TOPBP1: variants seen among roughly 807,000 people sequenced by gnomAD.
TOPBP1 encodes the protein DNA topoisomerase 2-binding protein 1.
A neutral mutation model predicts 167.7 loss-of-function variants in TOPBP1; 28 were observed. The observed-to-expected ratio is 0.17, with a 90% CI of 0.12 to 0.23. TOPBP1 has a LOEUF of 0.23. Among genes scored for constraint, TOPBP1 ranks in the 10% least tolerant of loss-of-function variants. TOPBP1 has a pLI of 1.00. For missense variants in TOPBP1, 1,554 were observed against 1,809.6 expected, an observed-to-expected ratio of 0.86 and a Z score of 2.56; for synonymous variants, 598 against 611.4, an observed-to-expected ratio of 0.98 and a Z score of 0.32.
chr3:133,653,923 C>T (rs180800826), intron 6 of TOPBP1, among the ~76,000 whole-genome samples: 57 of 152,218 alleles, frequency 3.7e-4, no homozygotes, highest in African/African-American at 1.3e-3. Flanking sequence ...TGAGCAACCG[C>T]GCCCGGCTAT....
chr3:133,618,786 A>C (rs1934983251), intron 20 of TOPBP1, among the ~76,000 whole-genome samples: 1 of 152,208 alleles, frequency 6.6e-6, no homozygotes. Context: ...CAGGTTAGGG[A>C]AACAGGGTAA....
chr3:133,653,185 GCTAA>G (rs1208875224), intron 7 of TOPBP1, among the ~76,000 whole-genome samples, 156 bp downstream of exon 7: 10 of 152,146 alleles, frequency 6.6e-5, no homozygotes, highest in African/African-American at 2.4e-4. Context: ...ACAGTTCAGT[GCTAA>G]CTTTTTATAC....
intron 14 of TOPBP1, among the ~76,000 whole-genome samples, chr3:133,633,283 AT>A (rs1333785694): frequency 6.6e-6 from 1 of 152,190 alleles, no homozygotes; most frequent in African/African-American, 2.4e-5. Flanking sequence ...TGATGACGCC[AT>A]TGACCTTCAT....
intron 27 of TOPBP1, among the ~76,000 whole-genome samples, chr3:133,605,198 CAAAA>C (rs76623187): frequency 9.6e-6 from 1 of 104,642 alleles, no homozygotes. Context: ...GACCGTGTCT[CAAAA>C]AAAAAAAAAA....
intron 12 of TOPBP1, among the ~76,000 whole-genome samples, chr3:133,641,402 G>C (rs1935886628): frequency 6.6e-6 from 1 of 152,136 alleles, no homozygotes; most frequent in African/African-American, 2.4e-5. Flanking sequence ...GTCTTGCTCT[G>C]TCCTCCAGGC....
chr3:133,614,179 C>G (rs753226205), intron 23 of TOPBP1, among the ~76,000 whole-genome samples: 4 of 152,114 alleles, frequency 2.6e-5, no homozygotes, highest in African/African-American at 9.7e-5. Context: ...ACCTTCTGAG[C>G]ATTTATTTTA....
At chr3:133,657,744 A>G (rs1936528103) in intron 4 of TOPBP1, 54 bp downstream of exon 4, 2 of 1,370,826 alleles carry the variant, frequency 1.5e-6, no homozygotes, top group Non-Finnish European at 9.5e-7. Context: ...GTGAAAAATT[A>G]AGAATAAGAG....
chr3:133,648,508 G>A (rs1467309059), intron 10 of TOPBP1, among the ~76,000 whole-genome samples: 2 of 152,214 alleles, frequency 1.3e-5, no homozygotes, highest in East Asian at 3.8e-4. Context: ...GATCATTAAA[G>A]TATTTTAGGC....
rs1358521208 is a variant in TOPBP1, at chr3:133,637,908, C to A, written c.2488G>T (p.Asp830Tyr). Residue 830 changes from aspartate to tyrosine, a missense_variant, in exon 14 of 28, where the codon GAC becomes TAC. This residue lies in a region of TOPBP1 where 1,197 missense variants were observed against 1,351.5 expected (regional missense o/e 0.89). Coordinates refer to ENST00000260810, the MANE Select transcript of TOPBP1 (RefSeq NM_007027.4). Reference sequence around the variant, plus strand: ...TCAAAGGAAGGCTTGAAGAGTTTGTCCTTGGACAGGAATTTTGATGGTGTA... The same window carrying A: ...TCAAAGGAAGGCTTGAAGAGTTTGTACTTGGACAGGAATTTTGATGGTGTA... The part of the protein sequence containing the change: ...LDTPSKFLSK[D>Y]KLFKPSFDVK... The A allele has an allele frequency of 6.2e-7, 1 of 1,613,786 alleles. No individual in the cohort carries two copies. The highest frequency in any genetic ancestry group is 8.5e-7 in the Non-Finnish European group (1 of 1,179,854).
chr3:133,615,694 A>AC (rs1428374304), intron 23 of TOPBP1, among the ~76,000 whole-genome samples: 5 of 152,180 alleles, frequency 3.3e-5, no homozygotes. Flanking sequence ...TTTACTTTAT[A>AC]TAAAAAAAAA....
intron 16 of TOPBP1, among the ~76,000 whole-genome samples, chr3:133,626,460 A>C (rs1935270666): frequency 6.6e-6 from 1 of 152,222 alleles, no homozygotes; most frequent in African/African-American, 2.4e-5. Flanking sequence ...TAATGTCCCG[A>C]CAAATTCACG....
At chr3:133,653,040 T>A (rs191519234) in intron 7 of TOPBP1, among the ~76,000 whole-genome samples, 1 of 152,246 alleles carries the variant, frequency 6.6e-6, no homozygotes, top group Non-Finnish European at 1.5e-5. Flanking sequence ...GATTAATATA[T>A]GCATGTAATG....
chr3:133,609,061 A>C, intron 25 of TOPBP1, 99 bp from the exon 26 acceptor site: 1 of 987,974 alleles, frequency 1.0e-6, no homozygotes, highest in Non-Finnish European at 1.5e-6. Context: ...TTGTCAATAA[A>C]TCTTATAAAC....
In TOPBP1 at chr3:133,618,281, A is replaced by T. The variant is rs768776895; in HGVS notation, c.3524T>A (p.Val1175Asp). 1 of 1,613,986 alleles carries T rather than the reference A, an allele frequency of 6.2e-7. No individual in the cohort carries two copies. The highest frequency in any genetic ancestry group is 8.5e-7 in the Non-Finnish European group (1 of 1,179,868). The change falls in exon 21 of 28, where the codon GTT (valine) becomes GAT (aspartate). Residue 1175 changes from valine to aspartate, a missense_variant. Physicochemically the swap from Val to Asp is radical, Grantham distance 152. Around this residue, in one of 3 missense-constraint regions of TOPBP1, gnomAD observed 351 missense variants for 432.9 expected, o/e 0.81. Transcript: ENST00000260810. Reference protein sequence around the residue: ...SCPTQYSELQVDIQNLEDSPF... With the variant: ...SCPTQYSELQDDIQNLEDSPF... Reference sequence around the variant, plus strand: ...AGAATCCTCCAAGTTTTGAATGTCAACCTGAAGCTCAGAGTATTGTGTGGG... The same window carrying T: ...AGAATCCTCCAAGTTTTGAATGTCATCCTGAAGCTCAGAGTATTGTGTGGG...
chr3:133,642,470 T>C (rs1300558340), intron 12 of TOPBP1, among the ~76,000 whole-genome samples: 1 of 152,254 alleles, frequency 6.6e-6, no homozygotes, highest in Non-Finnish European at 1.5e-5. Flanking sequence ...AGAGTTGTAC[T>C]AAAGTCTGGG....
chr3:133,613,784 CTTTTT>C (rs11393295), intron 23 of TOPBP1, among the ~76,000 whole-genome samples: 3 of 127,260 alleles, frequency 2.4e-5, no homozygotes, highest in African/African-American at 9.0e-5. Context: ...ATATCAAGGA[CTTTTT>C]TTTTTTTTTT....
rs751039044 is a variant in TOPBP1, at chr3:133,638,020, A to G, written c.2376T>C (p.Arg792=). 6.2e-7 allele frequency: 1 copy of G among 1,613,996 alleles called. No homozygotes were observed. Among genetic ancestry groups the G allele is most frequent in the South Asian group, 1.1e-5 (1 of 91,080 alleles). The change falls in exon 14 of 28, where the codon CGT becomes CGC. Residue 792 remains arginine (R), a synonymous_variant. Transcript: ENST00000260810. The part of the protein sequence containing the change: ...DMNRFQSKAF[R]AVVSQHARQV... ...GTCTGGCATGTTGTGAGACCACAGC[A>G]CGGAAAGCTTTACTCTGAAAGCGGT...
rs1207819375 is a variant in TOPBP1 at position 133,618,313 on chromosome 3, A to G, written c.3492T>C (p.Pro1164=). 1 of 1,613,998 alleles carries G rather than the reference A, an allele frequency of 6.2e-7. No homozygotes were observed. ...RARLASNLQW[P]SCPTQYSELQ... The stretch of plus-strand genomic sequence containing the variant: ...GCTCAGAGTATTGTGTGGGACAACT[A>G]GGCCACTGCAAATTGCTGGCAAGCC... The change falls in exon 21 of 28, where the codon CCT becomes CCC. Residue 1164 remains proline, a synonymous_variant. Transcript: ENST00000260810.
chr3:133,657,381 C>CT (rs11341315), intron 4 of TOPBP1, among the ~76,000 whole-genome samples: 224 of 130,062 alleles, frequency 1.7e-3, no homozygotes, highest in African/African-American at 5.7e-3. Context: ...TCTTAGAATG[C>CT]TTTTTTTTTT....
Sources: gnomAD v4.1 joint callset for allele counts (sites outside exome capture counted in the v4.1 genomes callset) on GRCh38, gnomAD v4.1.1 for gene constraint, gnomAD v4.1.1 regional missense constraint, MANE v1.5 for transcripts, NCBI Gene and HGNC (gene_info 2026-07-23, HGNC 2026-07-21) for gene names.